The following PPM1F variants were observed in gnomAD, a reference collection of about 807,000 sequenced individuals.
PPM1F encodes protein phosphatase 1F.
Under a neutral mutation model 35.5 loss-of-function variants are expected in PPM1F, and 17 were observed. That is an observed-to-expected ratio of 0.48 (90% CI 0.33 to 0.72). The LOEUF is 0.72. Among genes scored for constraint, PPM1F ranks in the 30% least tolerant of loss-of-function variants. The pLI is 0.02. For missense variants in PPM1F, 521 were observed against 613.0 expected (o/e 0.85, Z 1.59); for synonymous variants, 241 against 255.5 (o/e 0.94, Z 0.54).
At chr22:21,937,347 G>T (rs541227908) in intron 3 of PPM1F, 4 of 152,904 alleles carry the variant, frequency 2.6e-5, no homozygotes, top group African/African-American at 9.6e-5. Context: ...AGGCAGGGGT[G>T]GGGGCATCCA....
In PPM1F at chr22:21,933,670, G is replaced by A. The variant is rs993760609; in HGVS notation, c.559-91C>T. The A allele has an allele frequency of 9.7e-6, 12 of 1,236,878 alleles. No homozygotes were observed. In the African/African-American group the frequency reaches 1.5e-4, roughly 15 times the overall value. The allele number at this position is 1,236,878 out of a possible 1,614,324, so 76.6% of individuals were successfully genotyped here. ...CCAGGCACTGATGGGGTAGAGTCTGGGAGAATCAGTATGGCCTTCGCCCGG... is the reference window on the plus strand; with the variant it reads ...CCAGGCACTGATGGGGTAGAGTCTGAGAGAATCAGTATGGCCTTCGCCCGG... On this transcript the variant is annotated intron_variant, in intron 4 of 7. Transcript: ENST00000263212.
chr22:21,937,553 G>A (rs55784528), intron 3 of PPM1F: 8,022 of 153,308 alleles, frequency 0.052, 284 homozygotes, highest in Non-Finnish European at 0.076. Context: ...CGTCCTGCCA[G>A]TCCTTGTAGC....
At chr22:21,929,299 C>A (rs534124053) in intron 6 of PPM1F, among the ~76,000 whole-genome samples, 1 of 152,110 alleles carries the variant, frequency 6.6e-6, no homozygotes, top group African/African-American at 2.4e-5. Context: ...TTGGCCCATG[C>A]GGGCTGCAGC....
intron 6 of PPM1F, among the ~76,000 whole-genome samples, chr22:21,927,897 CCCT>C (rs899278681): frequency 6.6e-6 from 1 of 151,590 alleles, no homozygotes; most frequent in African/African-American, 2.4e-5. Flanking sequence ...GTCCCATTCC[CCCT>C]GAGTCTCCTA....
chr22:21,934,358 C>T, intron 3 of PPM1F, 132 bp from the exon 4 acceptor site: 1 of 688,750 alleles, frequency 1.5e-6, no homozygotes, highest in South Asian at 1.9e-5. Context: ...AGCACATCAA[C>T]TCAATAACGC....
intron 1 of PPM1F, chr22:21,951,405 G>T (rs887771229): frequency 1.3e-5 from 2 of 148,764 alleles, no homozygotes; most frequent in Admixed American, 1.4e-4. Flanking sequence ...GCCCAGGCTG[G>T]AGTGCAATGG....
intron 1 of PPM1F, chr22:21,951,062 C>T (rs1345505297): frequency 1.3e-5 from 2 of 151,850 alleles, no homozygotes; most frequent in Admixed American, 6.6e-5. Context: ...CACTATGTAT[C>T]CTTTTAACCA....
chr22:21,941,087 A>C (rs189241790), intron 2 of PPM1F: 2 of 152,212 alleles, frequency 1.3e-5, no homozygotes, highest in East Asian at 1.9e-4. Context: ...CTAATCTGTA[A>C]ATTTTTTTGT....
intron 1 of PPM1F, chr22:21,948,303 C>T (rs1484914104): frequency 2.3e-4 from 12 of 51,510 alleles, no homozygotes; most frequent in African/African-American, 1.2e-3. Context: ...AGATCGCCAC[C>T]CCCCCCCCAC....
At chr22:21,940,331 G>C (rs2070710962) in intron 2 of PPM1F, among the ~76,000 whole-genome samples, 1 of 152,098 alleles carries the variant, frequency 6.6e-6, no homozygotes, top group Admixed American at 6.6e-5. Flanking sequence ...AAATTAGCCG[G>C]GTGTGGTGGC....
chr22:21,931,066 C>G lies in PPM1F; in HGVS notation c.891+82G>C, dbSNP rs954482206. On this transcript the variant is annotated intron_variant, in intron 6 of 7. Coordinates refer to ENST00000263212, the MANE Select transcript of PPM1F (RefSeq NM_014634.4). ...CCAGGATTACTACTACCTGAAGTTC[C>G]CAGGCTGGGTGGGGTTCCCCTATGG... 20 of 1,566,340 alleles carry G rather than the reference C, an allele frequency of 1.3e-5. No homozygotes were observed. In the African/African-American group the frequency reaches 2.4e-4, roughly 19 times the overall value.
chr22:21,928,382 AGTGACTCTCAC>A (rs2070546250), intron 6 of PPM1F, among the ~76,000 whole-genome samples: 1 of 152,128 alleles, frequency 6.6e-6, no homozygotes, highest in South Asian at 2.1e-4. Context: ...TGTGACCTTG[AGTGACTCTCAC>A]TGCCCTCCTG....
rs947465781 is a variant in PPM1F at position 21,939,089 on chromosome 22, C to T, written c.355+443G>A. ...CGTTGAGGGGACCACGCTGCTGCCC[C>T]GAGACCTGCTGGCATGCCACCTGGC... On this transcript the variant is annotated intron_variant, in intron 3 of 7. Transcript: ENST00000263212. This position sits in a 1 kb window ranked among gnomAD's most constrained non-coding sequence, Gnocchi z 5.1. 2.3e-5 allele frequency: 4 copies of T among 170,244 alleles called. No homozygotes were observed. Among genetic ancestry groups the T allele is most frequent in the Non-Finnish European group, 3.8e-5 (3 of 78,216 alleles). 10.5% of individuals were successfully genotyped at this position (170,244 alleles called of 1,614,324 possible). A position where few individuals can be genotyped will look rare whatever the true frequency, so the allele number is the denominator to read the frequency against.
At position 21,931,462 on chromosome 22, in the gene PPM1F, T is replaced by C. The variant is rs139934504; in HGVS notation, c.748-171A>G. Among the ~76,000 whole-genome samples, 172 of 152,338 alleles carry C rather than the reference T, an allele frequency of 1.1e-3. 3 individuals carry two copies. The East Asian group carries it at 0.032, about 28-fold the overall frequency. ...CTTGCCAAATTGTGGACTTCAAATA[T>C]GCACCACTTACTACCTGTCAATTGT... On this transcript the variant is annotated intron_variant, in intron 5 of 7. Coordinates refer to ENST00000263212, the MANE Select transcript of PPM1F (RefSeq NM_014634.4).
intron 2 of PPM1F, chr22:21,942,844 G>A (rs941720924): frequency 6.6e-6 from 1 of 152,310 alleles, no homozygotes; most frequent in African/African-American, 2.4e-5. Context: ...TGCAGAGCAG[G>A]CTCCTACACA....
intron 6 of PPM1F, 157 bp from the exon 7 acceptor site, chr22:21,925,819 G>T (rs1022039665): frequency 3.8e-6 from 2 of 527,684 alleles, no homozygotes; most frequent in South Asian, 3.0e-5. Context: ...GCACCCAAAC[G>T]AGGCTCATCA....
chr22:21,940,158 C>T (rs1213424849), intron 2 of PPM1F, among the ~76,000 whole-genome samples: 1 of 152,140 alleles, frequency 6.6e-6, no homozygotes, highest in Non-Finnish European at 1.5e-5. Flanking sequence ...GGCCCCTACT[C>T]CAATGACTGA....
chr22:21,939,356 C>G lies in PPM1F; in HGVS notation c.355+176G>C, dbSNP rs565059201. On this transcript the variant is annotated intron_variant, in intron 3 of 7. Coordinates refer to ENST00000263212, the MANE Select transcript of PPM1F (RefSeq NM_014634.4). This position sits in a 1 kb window ranked among gnomAD's most constrained non-coding sequence, Gnocchi z 5.1. ...TATATGACCTGTGGAGGGCTGTGAC[C>G]GCCACCCTCCACCTCACTGGGGCCG... 3 of 821,666 alleles carry G rather than the reference C, an allele frequency of 3.7e-6. No homozygotes were observed. Among genetic ancestry groups the G allele is most frequent in the South Asian group, 1.8e-5 (1 of 55,056 alleles). The allele number at this position is 821,666 out of a possible 1,614,324, so 50.9% of individuals were successfully genotyped here. A position where few individuals can be genotyped will look rare whatever the true frequency, so the allele number is the denominator to read the frequency against.
chr22:21,930,335 C>T (rs1421829144), intron 6 of PPM1F, among the ~76,000 whole-genome samples: 2 of 152,190 alleles, frequency 1.3e-5, no homozygotes, highest in African/African-American at 4.8e-5. Context: ...ACCTAGCCAT[C>T]CCACTTCTGG....
Sources: allele counts gnomAD v4.1 joint callset (sites outside exome capture counted in the v4.1 genomes callset), GRCh38; gene constraint gnomAD v4.1.1; non-coding constraint Gnocchi (gnomAD v3.1); transcripts MANE v1.5; gene names NCBI Gene and HGNC (gene_info 2026-07-23, HGNC 2026-07-21).